The following PLXDC2 variants were observed in gnomAD, a reference collection of about 807,000 sequenced individuals.
PLXDC2 encodes plexin domain containing 2.
In PLXDC2, 40 loss-of-function variants were observed where a neutral mutation model predicts 68.9. The ratio of observed to expected loss-of-function variants is 0.58; its 90% CI spans 0.45 to 0.76. The LOEUF is 0.76. Ranked by LOEUF, PLXDC2 falls within the 30% of genes least tolerant of loss-of-function variation. The pLI, the probability that PLXDC2 is intolerant of heterozygous loss-of-function variation, is 0.00. For missense variants in PLXDC2, 644 were observed against 661.9 expected, an observed-to-expected ratio of 0.97 and a Z score of 0.30; for synonymous variants, 243 against 234.2, an observed-to-expected ratio of 1.04 and a Z score of -0.34.
At chr10:19,929,886 C>T (rs190521063) in intron 1 of PLXDC2, among the ~76,000 whole-genome samples, 1 of 152,214 alleles carries the variant, frequency 6.6e-6, no homozygotes, top group Non-Finnish European at 1.5e-5. Context: ...GTAGGTGGAA[C>T]TGTGGTAGTG....
chr10:20,107,639 G>T (rs1833509084), intron 4 of PLXDC2, among the ~76,000 whole-genome samples: 2 of 152,102 alleles, frequency 1.3e-5, no homozygotes, highest in Admixed American at 6.5e-5. Context: ...ATTGTTCTGG[G>T]AGAGTTATTA....
chr10:19,866,625 G>C (rs191860711), intron 1 of PLXDC2, among the ~76,000 whole-genome samples: 4 of 152,148 alleles, frequency 2.6e-5, no homozygotes, highest in African/African-American at 9.7e-5. Context: ...CCAGTGCACA[G>C]AACAAGACAA....
intron 1 of PLXDC2, among the ~76,000 whole-genome samples, chr10:19,941,942 A>T (rs1833826067): frequency 6.8e-6 from 1 of 146,146 alleles, no homozygotes; most frequent in Non-Finnish European, 1.5e-5. Flanking sequence ...CCCGTTTTGT[A>T]TTGTGTTTGT....
chr10:20,204,576 C>G (rs7907088), intron 9 of PLXDC2, among the ~76,000 whole-genome samples: 71,934 of 151,940 alleles, frequency 0.47, 17,213 homozygotes, highest in Middle Eastern at 0.56. Flanking sequence ...TATAAATCAC[C>G]AGATAATTCG....
chr10:20,042,457 G>A (rs529146232), intron 2 of PLXDC2, among the ~76,000 whole-genome samples: 3 of 152,170 alleles, frequency 2.0e-5, no homozygotes, highest in Admixed American at 2.0e-4. Flanking sequence ...TATTAATTAA[G>A]GAATGATCTT....
intron 1 of PLXDC2, among the ~76,000 whole-genome samples, chr10:19,928,656 GA>G (rs1177213140): frequency 6.6e-6 from 1 of 151,762 alleles, no homozygotes; most frequent in Non-Finnish European, 1.5e-5. Flanking sequence ...GCATTTGAGA[GA>G]AAGGAGAGTA....
At chr10:20,021,678 ATTATTTATTTAT>A (rs71388891) in intron 2 of PLXDC2, among the ~76,000 whole-genome samples, 1 of 148,398 alleles carries the variant, frequency 6.7e-6, no homozygotes, top group African/African-American at 2.5e-5. Context: ...ATTTTTTTTT[ATTATTTATTTAT>A]TTATTTATTT....
In PLXDC2 at chr10:20,018,410, C is replaced by A. The variant is rs543067973; in HGVS notation, c.324+16424C>A. ...ATTTAAGCACTATCCAGATGAAATA[C>A]TTCCTTTTGCTTCTATTAAGAACAA... On this transcript the variant is annotated intron_variant, in intron 2 of 13. Transcript: ENST00000377252. Among the ~76,000 whole-genome samples the A allele has an allele frequency of 5.3e-4, 80 of 152,286 alleles. 1 individual carries two copies. The highest frequency in any genetic ancestry group is 1.7e-3 in the African/African-American group (70 of 41,570).
At chr10:20,000,288 T>A (rs888554600) in intron 1 of PLXDC2, among the ~76,000 whole-genome samples, 7 of 152,144 alleles carry the variant, frequency 4.6e-5, no homozygotes, top group Non-Finnish European at 8.8e-5. Context: ...TTGTTTTGTT[T>A]TGTTTTTTTA....
intron 3 of PLXDC2, among the ~76,000 whole-genome samples, chr10:20,053,897 A>G (rs1725015221): frequency 1.3e-5 from 2 of 152,156 alleles, no homozygotes; most frequent in Non-Finnish European, 2.9e-5. Context: ...AAAATGAAAT[A>G]GTTATAAAAG....
chr10:20,152,727 A>G (rs1834167513), intron 6 of PLXDC2, among the ~76,000 whole-genome samples: 1 of 152,166 alleles, frequency 6.6e-6, no homozygotes, highest in Non-Finnish European at 1.5e-5. Flanking sequence ...TCCAATATCT[A>G]AATGTCTTAC....
Position 20,047,002 on chromosome 10 carries a change from A to G in PLXDC2, c.458A>G (p.His153Arg). ...VKIHGILSNTHRQAARVNLSF... is the reference protein window; with the variant it reads ...VKIHGILSNTRRQAARVNLSF... Reference sequence around the variant, plus strand: ...ATTCATGGAATATTGTCCAATACTCATCGGCAAGCTGCAGTAAGTGTTTGG... The same window carrying G: ...ATTCATGGAATATTGTCCAATACTCGTCGGCAAGCTGCAGTAAGTGTTTGG... The change falls in exon 3 of 14, where the codon CAT (histidine) becomes CGT (arginine). Residue 153 changes from histidine to arginine, a missense_variant. Transcript: ENST00000377252. 1 of 1,599,608 alleles carries G rather than the reference A, an allele frequency of 6.3e-7. No individual in the cohort carries two copies. The highest frequency in any genetic ancestry group is 2.2e-5 in the East Asian group (1 of 44,510).
At chr10:20,226,861 A>G (rs1000701723) in intron 12 of PLXDC2, among the ~76,000 whole-genome samples, 3 of 152,120 alleles carry the variant, frequency 2.0e-5, no homozygotes, top group Admixed American at 6.6e-5. Context: ...CCCTGTTCCT[A>G]TCAGAAACCC....
intron 1 of PLXDC2, among the ~76,000 whole-genome samples, chr10:19,940,646 TAAAAG>T (rs1317674479): frequency 6.6e-6 from 1 of 151,912 alleles, no homozygotes; most frequent in Non-Finnish European, 1.5e-5. Context: ...TAACAAGAAA[TAAAAG>T]AATACATGCC....
intron 7 of PLXDC2, among the ~76,000 whole-genome samples, chr10:20,169,398 C>G (rs1302882627): frequency 1.3e-5 from 2 of 152,144 alleles, no homozygotes; most frequent in Non-Finnish European, 2.9e-5. Context: ...AGTTTTAACA[C>G]CGTCATATAT....
At chr10:20,103,800 G>A (rs557263251) in intron 4 of PLXDC2, among the ~76,000 whole-genome samples, 6 of 151,996 alleles carry the variant, frequency 3.9e-5, no homozygotes, top group African/African-American at 9.7e-5. Flanking sequence ...GCGCCACCAC[G>A]CCCAGCTAAT....
intron 12 of PLXDC2, among the ~76,000 whole-genome samples, chr10:20,226,815 C>A (rs1467082423): frequency 6.6e-6 from 1 of 152,116 alleles, no homozygotes; most frequent in Non-Finnish European, 1.5e-5. Flanking sequence ...ACCTACTTTC[C>A]TTTCAGTGTC....
At chr10:19,966,351 GTATGTATA>G in intron 1 of PLXDC2, among the ~76,000 whole-genome samples, 1 of 1,744 alleles carries the variant, frequency 5.7e-4, no homozygotes, top group Admixed American at 5.6e-3. Context: ...TATAATAAAT[GTATGTATA>G]CACATATATA....
intron 2 of PLXDC2, among the ~76,000 whole-genome samples, chr10:20,030,158 A>G (rs1234873784): frequency 6.6e-6 from 1 of 151,874 alleles, no homozygotes; most frequent in African/African-American, 2.4e-5. Context: ...GTGGCCATAT[A>G]GTTACACGTA....
Sources: gnomAD v4.1 joint callset for allele counts (sites outside exome capture counted in the v4.1 genomes callset) on GRCh38, gnomAD v4.1.1 for gene constraint, MANE v1.5 for transcripts, NCBI Gene and HGNC (gene_info 2026-07-23, HGNC 2026-07-21) for gene names.